GPBP1L1: variants seen among roughly 807,000 people sequenced by gnomAD.
GPBP1L1 encodes vasculin-like protein 1.
In GPBP1L1, 23 loss-of-function variants were observed where a neutral mutation model predicts 52.5. The observed-to-expected ratio is 0.44, with a 90% CI of 0.32 to 0.62. The LOEUF is 0.62. Ranked by LOEUF, GPBP1L1 falls within the 20% of genes least tolerant of loss-of-function variation. The probability of loss-of-function intolerance (pLI) is 0.06; values close to 1 mark genes in which losing one functional copy is unlikely to be tolerated. For missense variants in GPBP1L1, 596 were observed against 579.3 expected, an observed-to-expected ratio of 1.03 and a Z score of -0.30; for synonymous variants, 243 against 203.1, an observed-to-expected ratio of 1.20 and a Z score of -1.67.
chr1:45,655,278 G>A lies in GPBP1L1; in HGVS notation c.102C>T (p.Pro34=). ...TTACTCCAAATCTACCTTCTCCTCT[G>A]GGTAGGTGCTCTCCGTGTTTTTCGA... ...ATFEKHGEHL[P]RGEGRFGVSR... is the part of the protein sequence containing the mutation. The change falls in exon 5 of 13, where the codon CCC becomes CCT. Residue 34 remains proline, a synonymous_variant. Coordinates refer to ENST00000355105, the MANE Select transcript of GPBP1L1 (RefSeq NM_021639.5). 2 of 1,614,034 alleles carry A rather than the reference G, an allele frequency of 1.2e-6. No homozygotes were observed. Among genetic ancestry groups the A allele is most frequent in the Non-Finnish European group, 8.5e-7 (1 of 1,179,950 alleles).
intron 6 of GPBP1L1, chr1:45,651,380 G>A (rs941929559): frequency 5.3e-6 from 2 of 379,052 alleles, no homozygotes; most frequent in East Asian, 6.3e-5. Flanking sequence ...CTGAGTCTTC[G>A]TGTTCTCCAC....
chr1:45,644,766 T>C (rs992372214), intron 6 of GPBP1L1, among the ~76,000 whole-genome samples: 39 of 152,232 alleles, frequency 2.6e-4, no homozygotes, highest in African/African-American at 8.7e-4. Context: ...GTGCTTCTTT[T>C]AGTGATGCTG....
chr1:45,652,378 A>G (rs1644829059), intron 6 of GPBP1L1, among the ~76,000 whole-genome samples: 1 of 152,146 alleles, frequency 6.6e-6, no homozygotes, highest in South Asian at 2.1e-4. Context: ...CCCACTGGGA[A>G]TGTCACAGGA....
chr1:45,642,335 CAA>C (rs992803180), intron 7 of GPBP1L1, 90 bp downstream of exon 7: 173 of 859,666 alleles, frequency 2.0e-4, no homozygotes, highest in Admixed American at 1.9e-4. Flanking sequence ...AGATGAGAAA[CAA>C]GAGATAAAAA....
At chr1:45,674,974 CTTGT>C (rs1046370384) in intron 2 of GPBP1L1, among the ~76,000 whole-genome samples, 1 of 152,110 alleles carries the variant, frequency 6.6e-6, no homozygotes, top group Non-Finnish European at 1.5e-5. Flanking sequence ...TAGTCCTTTT[CTTGT>C]TTTTCTGTGC....
intron 2 of GPBP1L1, among the ~76,000 whole-genome samples, chr1:45,685,324 C>G (rs141922200): frequency 6.6e-6 from 1 of 152,148 alleles, no homozygotes; most frequent in Non-Finnish European, 1.5e-5. Flanking sequence ...AAGATTTACA[C>G]AAGAACACGA....
chr1:45,662,141 C>A (rs1644954330), intron 2 of GPBP1L1, among the ~76,000 whole-genome samples: 1 of 152,074 alleles, frequency 6.6e-6, no homozygotes. Flanking sequence ...TCAGGGGATA[C>A]AAATTAGAAA....
chr1:45,660,000 A>G (rs1158966647), intron 3 of GPBP1L1, among the ~76,000 whole-genome samples, 184 bp downstream of exon 3: 1 of 152,200 alleles, frequency 6.6e-6, no homozygotes, highest in Non-Finnish European at 1.5e-5. Context: ...AAGAGCTTTT[A>G]TATTTAGTTC....
rs1429693745 is a variant in GPBP1L1 at position 45,627,645 on chromosome 1, C to T, written c.*611G>A. 1 of 152,040 alleles carries T rather than the reference C, an allele frequency of 6.6e-6. No individual in the cohort carries two copies. Among genetic ancestry groups the T allele is most frequent in the Non-Finnish European group, 1.5e-5 (1 of 67,984 alleles). 9.4% of individuals were successfully genotyped at this position (152,040 alleles called of 1,614,324 possible). A position where few individuals can be genotyped will look rare whatever the true frequency, so the allele number is the denominator to read the frequency against. Reference sequence around the variant, plus strand: ...ACAAAAATTTATATTTTACAATCCACCCTGAATATCAAGGCTGCAAGAATA... The same window carrying T: ...ACAAAAATTTATATTTTACAATCCATCCTGAATATCAAGGCTGCAAGAATA... On this transcript the variant is annotated 3_prime_UTR_variant, in exon 13 of 13. Coordinates refer to ENST00000355105, the MANE Select transcript of GPBP1L1 (RefSeq NM_021639.5).
chr1:45,648,486 G>A (rs535619224), intron 6 of GPBP1L1, among the ~76,000 whole-genome samples: 4 of 152,232 alleles, frequency 2.6e-5, no homozygotes, highest in South Asian at 2.1e-4. Context: ...TATGCCCTAC[G>A]AGCTTTCCAG....
chr1:45,685,930 G>A (rs972088119), intron 1 of GPBP1L1, among the ~76,000 whole-genome samples: 13 of 152,286 alleles, frequency 8.5e-5, no homozygotes, highest in Admixed American at 2.0e-4. Flanking sequence ...CAGAGAACCG[G>A]AAAGCTGGGG....
At chr1:45,669,758 T>A (rs1645052791) in intron 2 of GPBP1L1, among the ~76,000 whole-genome samples, 1 of 152,190 alleles carries the variant, frequency 6.6e-6, no homozygotes, top group African/African-American at 2.4e-5. Context: ...TTAAAAATAA[T>A]TTTTGATGGA....
In GPBP1L1 at chr1:45,628,376, G is replaced by A. The variant is rs1305521508; in HGVS notation, c.1305C>T (p.Phe435=). The change falls in exon 13 of 13, where the codon TTC becomes TTT. Residue 435 remains phenylalanine (F), a synonymous_variant. Transcript: ENST00000355105. The part of the protein sequence containing the change: ...LRRNGFGKNG[F]LQSRSSSLFS... ...ACAGACTGGAACTGCGGCTCTGCAA[G>A]AAGCCATTCTTTCCAAAGCCATTTC... The A allele has an allele frequency of 1.2e-6, 2 of 1,613,968 alleles. No homozygotes were observed. The highest frequency in any genetic ancestry group is 1.7e-6 in the Non-Finnish European group (2 of 1,180,028).
At position 45,630,604 on chromosome 1, in the gene GPBP1L1, C is replaced by T. The variant is rs761767077; in HGVS notation, c.1047G>A (p.Leu349=). The T allele has an allele frequency of 1.3e-5, 21 of 1,613,672 alleles. No homozygotes were observed. In the Admixed American group the frequency reaches 1.7e-4, roughly 13 times the overall value. ...TTGGTTCAGGTGTGCTGTTGTCCTC[C>T]AACTGCAATAAGGAAAAGGAAGGAC... The part of the protein sequence containing the change: ...ENRDCDKLED[L]EDNSTPEPKE... The change falls in exon 11 of 13, where the codon TTG becomes TTA. Residue 349 remains leucine (L), a splice_region_variant and synonymous_variant. Coordinates refer to ENST00000355105, the MANE Select transcript of GPBP1L1 (RefSeq NM_021639.5).
intron 2 of GPBP1L1, among the ~76,000 whole-genome samples, chr1:45,662,259 G>A (rs1343033447): frequency 3.3e-5 from 5 of 152,084 alleles, no homozygotes; most frequent in Admixed American, 2.0e-4. Context: ...TCAGCTTCCC[G>A]AGTAACAAAA....
At chr1:45,653,950 C>T (rs982295496) in intron 6 of GPBP1L1, among the ~76,000 whole-genome samples, 2 of 152,018 alleles carry the variant, frequency 1.3e-5, no homozygotes, top group South Asian at 2.1e-4. Context: ...CCACCCGCCT[C>T]GGCTTCCCAA....
chr1:45,676,681 G>A (rs1271036413), intron 2 of GPBP1L1, among the ~76,000 whole-genome samples: 1 of 144,700 alleles, frequency 6.9e-6, no homozygotes, highest in African/African-American at 2.6e-5. Flanking sequence ...CTGCATTCCA[G>A]CCTGGGCAAC....
chr1:45,647,302 A>G (rs1328420752), intron 6 of GPBP1L1, among the ~76,000 whole-genome samples: 2 of 150,598 alleles, frequency 1.3e-5, no homozygotes, highest in Non-Finnish European at 3.0e-5. Flanking sequence ...TCTTCTCCCT[A>G]CCGCTTTTAT....
intron 6 of GPBP1L1, 35 bp downstream of exon 6, chr1:45,654,508 G>A (rs1405709590): frequency 6.5e-7 from 1 of 1,540,664 alleles, no homozygotes; most frequent in Non-Finnish European, 8.8e-7. Context: ...ATTATTTGTT[G>A]GCTTCTAACC....
Sources: gnomAD v4.1 joint callset for allele counts (sites outside exome capture counted in the v4.1 genomes callset) on GRCh38, gnomAD v4.1.1 for gene constraint, MANE v1.5 for transcripts, NCBI Gene and HGNC (gene_info 2026-07-23, HGNC 2026-07-21) for gene names.